The following LRRD1 variants were observed in gnomAD, a reference collection of about 807,000 sequenced individuals.
LRRD1 encodes the protein leucine-rich repeat and death domain-containing protein 1.
Under a neutral mutation model 69.5 loss-of-function variants are expected in LRRD1, and 49 were observed. The observed-to-expected ratio is 0.70, with a 90% CI of 0.56 to 0.89. The LOEUF (loss-of-function observed/expected upper bound fraction) is 0.89, where lower values mean the gene tolerates loss of function less well. Ranked by LOEUF, LRRD1 falls within the 40% of genes least tolerant of loss-of-function variation. LRRD1 has a pLI of 0.00. For synonymous variants in LRRD1, 303 were observed against 338.9 expected (o/e 0.89, Z 1.16); for missense variants, 853 against 956.0 (o/e 0.89, Z 1.42).
chr7:92,142,352 T>C (rs1820174730), downstream of LRRD1: 2 of 423,124 alleles, frequency 4.7e-6, no homozygotes, highest in Admixed American at 2.8e-5. Context: ...AGTATGGGGA[T>C]TGAGGATCAG....
At chr7:92,143,655 G>A (rs1435309897), downstream of LRRD1, among the ~76,000 whole-genome samples, 5 of 152,142 alleles carry the variant, frequency 3.3e-5, no homozygotes, top group South Asian at 2.1e-4. Flanking sequence ...CCCGGAACTC[G>A]CGCTGGCCCG....
chr7:92,145,267 TA>T (rs1820289621), intron 5 of LRRD1, among the ~76,000 whole-genome samples, 193 bp from the exon 6 acceptor site: 1 of 152,114 alleles, frequency 6.6e-6, no homozygotes, highest in South Asian at 2.1e-4. Context: ...AGAATCTCTA[TA>T]AAAATTTGGC....
At chr7:92,170,254 C>G (rs987865950) in intron 1 of LRRD1, among the ~76,000 whole-genome samples, 1 of 151,938 alleles carries the variant, frequency 6.6e-6, no homozygotes, top group Admixed American at 6.6e-5. Flanking sequence ...AAAAAATTAC[C>G]TCAAAGTACC....
intron 1 of LRRD1, among the ~76,000 whole-genome samples, chr7:92,174,510 T>TGTATA (rs1491100533): frequency 7.9e-5 from 1 of 12,610 alleles, no homozygotes. Context: ...TATATATATA[T>TGTATA]TTTTTTTTTT....
downstream of LRRD1, among the ~76,000 whole-genome samples, chr7:92,143,469 G>A (rs1820225452): frequency 6.6e-6 from 1 of 152,188 alleles, no homozygotes; most frequent in South Asian, 2.1e-4. Context: ...CACGGAAGTG[G>A]GGGAGGCTCG....
chr7:92,142,891 G>A, downstream of LRRD1: 1 of 347,094 alleles, frequency 2.9e-6, no homozygotes, highest in African/African-American at 2.1e-5. Context: ...GCAGCAGCAA[G>A]ATTTATTGCA....
In LRRD1 at chr7:92,164,277, T is replaced by C. The variant is rs1406210169; in HGVS notation, c.926A>G (p.Asp309Gly). The change falls in exon 2 of 6, where the codon GAC becomes GGC. Residue 309 changes from aspartate to glycine, a missense_variant. Physicochemically the swap from Asp to Gly is moderately conservative, Grantham distance 94. Transcript: ENST00000458448. ...ACTGCTTATTAGGTTTCCAGTAAGG[T>C]CTAGTGAAATTAACTTTGGAAGGAA... Reference protein sequence around the residue: ...LCFLPKLISLDLTGNLISSLP... With the variant: ...LCFLPKLISLGLTGNLISSLP... 3 of 1,550,948 alleles carry C rather than the reference T, an allele frequency of 1.9e-6. No homozygotes were observed. In the South Asian group the frequency reaches 3.6e-5, roughly 18 times the overall value.
At chr7:92,157,029 CTTT>C (rs34543093) in intron 3 of LRRD1, among the ~76,000 whole-genome samples, 37,511 of 111,234 alleles carry the variant, frequency 0.34, 4,678 homozygotes, top group Middle Eastern at 0.42. Flanking sequence ...ATGATATTTG[CTTT>C]TTTTTTTTTT....
rs1201768606 is a variant in LRRD1, at chr7:92,164,242, C to A, written c.961G>T (p.Glu321Ter). The A allele has an allele frequency of 6.4e-7, 1 of 1,550,402 alleles. No homozygotes were observed. The highest frequency in any genetic ancestry group is 2.5e-5 in the East Asian group (1 of 40,804). The change falls in exon 2 of 6, where the codon GAA becomes TAA. Residue 321 changes from glutamate to a stop codon, truncating the protein, a stop_gained. Transcript: ENST00000458448. LOFTEE classifies it high-confidence loss of function. ...TCTAAATTTTTAAGCTCTCTAATTTCTTTTGGCAAACTGCTTATTAGGTTT... is the reference window on the plus strand; with the variant it reads ...TCTAAATTTTTAAGCTCTCTAATTTATTTTGGCAAACTGCTTATTAGGTTT... ...TGNLISSLPK[E>*]IRELKNLETL...
chr7:92,161,439 G>T (rs1413444547), intron 2 of LRRD1, among the ~76,000 whole-genome samples: 1 of 152,218 alleles, frequency 6.6e-6, no homozygotes, highest in East Asian at 1.9e-4. Flanking sequence ...TACGCAATTT[G>T]GATTCCTGAC....
chr7:92,144,758 A>G (rs1268353597), downstream of LRRD1: 3 of 492,646 alleles, frequency 6.1e-6, no homozygotes, highest in South Asian at 5.7e-5. Context: ...ATAAGTTGTC[A>G]TCATCTCTTA....
In LRRD1 at chr7:92,144,848, G is replaced by C; in HGVS notation, c.*40C>G. On this transcript the variant is annotated 3_prime_UTR_variant, in exon 6 of 6. Coordinates refer to ENST00000458448, the MANE Select transcript of LRRD1 (RefSeq NM_001161528.2). ...TTCACAAACACAGTTTCAATTATAA[G>C]TGCATCAAAAGTTTTCAGTTTTTAT... 1 of 1,216,388 alleles carries C rather than the reference G, an allele frequency of 8.2e-7. No individual in the cohort carries two copies. 75.3% of individuals were successfully genotyped at this position (1,216,388 alleles called of 1,614,324 possible). A position where few individuals can be genotyped will look rare whatever the true frequency, so the allele number is the denominator to read the frequency against.
Position 92,163,817 on chromosome 7 carries a change from GT to G in LRRD1, c.1385del (p.Asn462ThrfsTer5). The G allele has an allele frequency of 2.0e-6, 3 of 1,498,092 alleles. No homozygotes were observed. The highest frequency in any genetic ancestry group is 2.7e-6 in the Non-Finnish European group (3 of 1,128,554). 92.8% of individuals were successfully genotyped at this position (1,498,092 alleles called of 1,614,324 possible). On this transcript the variant is annotated frameshift_variant, in exon 2 of 6. Transcript: ENST00000458448. LOFTEE classifies it high-confidence loss of function. ...IITDVPIEIKNCQKIIKIELS... is the reference protein window; with the variant it reads ...IITDVPIEIKXCQKIIKIELS... Reference sequence around the variant, plus strand: ...ATTCAATTTTAATTATTTTTTGGCAGTTTTTTATTTCAATGGGAACATCTGT... The same window carrying G: ...ATTCAATTTTAATTATTTTTTGGCAGTTTTTATTTCAATGGGAACATCTGT...
downstream of LRRD1, among the ~76,000 whole-genome samples, chr7:92,144,532 C>G (rs1302443281): frequency 2.0e-5 from 3 of 146,966 alleles, no homozygotes; most frequent in Non-Finnish European, 4.4e-5. Context: ...GAGGCTGAGG[C>G]AGAAGCATCA....
At chr7:92,149,475 G>A (rs1820412250) in intron 4 of LRRD1, among the ~76,000 whole-genome samples, 1 of 152,180 alleles carries the variant, frequency 6.6e-6, no homozygotes, top group African/African-American at 2.4e-5. Context: ...CAGCCCCAGG[G>A]AAAGAATTGG....
intron 1 of LRRD1, among the ~76,000 whole-genome samples, chr7:92,171,065 T>C (rs1176900854): frequency 1.3e-5 from 2 of 152,134 alleles, no homozygotes; most frequent in African/African-American, 4.8e-5. Context: ...GAGGGAAGTT[T>C]GTACCAATAC....
intron 4 of LRRD1, among the ~76,000 whole-genome samples, chr7:92,148,129 T>G (rs1820375591): frequency 6.6e-6 from 1 of 152,118 alleles, no homozygotes; most frequent in Admixed American, 6.5e-5. Flanking sequence ...TTAGTAGAGA[T>G]GGGTTTTTGG....
At chr7:92,159,896 A>T (rs1788761268) in intron 2 of LRRD1, among the ~76,000 whole-genome samples, 1 of 152,060 alleles carries the variant, frequency 6.6e-6, no homozygotes, top group Non-Finnish European at 1.5e-5. Flanking sequence ...GCTGGGATTA[A>T]GGGCATGAGC....
chr7:92,148,450 C>G (rs1194580916), intron 4 of LRRD1, among the ~76,000 whole-genome samples: 1 of 146,376 alleles, frequency 6.8e-6, no homozygotes, highest in African/African-American at 2.6e-5. Context: ...TATATATACT[C>G]TCTCAGGCTA....
Sources: gnomAD v4.1 joint callset for allele counts (sites outside exome capture counted in the v4.1 genomes callset) on GRCh38, gnomAD v4.1.1 for gene constraint, MANE v1.5 for transcripts, NCBI Gene and HGNC (gene_info 2026-07-23, HGNC 2026-07-21) for gene names.